Variants in BTC observed in about 807,000 individuals in gnomAD.
The protein encoded by BTC is probetacellulin.
In BTC, 13 loss-of-function variants were observed where a neutral mutation model predicts 18.1. The ratio of observed to expected loss-of-function variants is 0.72; its 90% confidence interval spans 0.47 to 1.14. BTC has a LOEUF of 1.14. BTC is among the 50% of genes most tolerant of loss of function. The pLI is 0.00. For synonymous variants in BTC, 83 were observed against 79.4 expected (o/e 1.05, Z -0.24); for missense variants, 247 against 224.2 (o/e 1.10, Z -0.65).
chr4:74,779,807 T>C (rs1725271215), intron 1 of BTC, among the ~76,000 whole-genome samples: 2 of 152,068 alleles, frequency 1.3e-5, no homozygotes, highest in Admixed American at 6.6e-5. Context: ...TGAGTTAGAG[T>C]AAGCCAACCC....
intron 4 of BTC, among the ~76,000 whole-genome samples, chr4:74,750,004 G>C (rs1724416744): frequency 6.6e-6 from 1 of 151,168 alleles, no homozygotes. Context: ...GCTGAGGTAT[G>C]AGGATCGCTT....
intron 1 of BTC, among the ~76,000 whole-genome samples, chr4:74,784,301 C>T (rs1364793947): frequency 6.6e-6 from 1 of 151,582 alleles, no homozygotes; most frequent in Non-Finnish European, 1.5e-5. Flanking sequence ...CCTGAGCCTG[C>T]TGAAGTTGCT....
At chr4:74,756,070 A>G (rs1553956690) in intron 2 of BTC, 94 bp from the exon 3 acceptor site, 2 of 1,158,542 alleles carry the variant, frequency 1.7e-6, no homozygotes, top group South Asian at 1.2e-5. Flanking sequence ...GTTTCTCTGT[A>G]GAATATGTTT....
At chr4:74,768,772 C>T (rs1439630383) in intron 2 of BTC, among the ~76,000 whole-genome samples, 1 of 152,050 alleles carries the variant, frequency 6.6e-6, no homozygotes, top group Non-Finnish European at 1.5e-5. Context: ...AATTAGAAAA[C>T]ACATTTAGGA....
At chr4:74,788,998 T>C (rs544434116) in intron 1 of BTC, among the ~76,000 whole-genome samples, 2 of 152,300 alleles carry the variant, frequency 1.3e-5, no homozygotes, top group African/African-American at 2.4e-5. Context: ...TGAGTGTGTA[T>C]GTGAGGAAAC....
intron 1 of BTC, among the ~76,000 whole-genome samples, chr4:74,781,078 C>A (rs979698243): frequency 2.6e-5 from 4 of 151,950 alleles, no homozygotes; most frequent in African/African-American, 9.7e-5. Flanking sequence ...CACTCCCTAC[C>A]CAGCTTAGGA....
intron 1 of BTC, among the ~76,000 whole-genome samples, chr4:74,771,098 G>A (rs1030011999): frequency 6.6e-6 from 1 of 151,908 alleles, no homozygotes; most frequent in Non-Finnish European, 1.5e-5. Context: ...GTATATCAAG[G>A]TTCATTATGT....
intron 1 of BTC, among the ~76,000 whole-genome samples, chr4:74,784,232 GAAAA>G (rs58751452): frequency 3.8e-5 from 3 of 79,622 alleles, no homozygotes; most frequent in Non-Finnish European, 2.6e-5. Context: ...ATTCTCTCTC[GAAAA>G]AAAAAAAAAA....
At chr4:74,752,506 G>A (rs530317736) in intron 3 of BTC, among the ~76,000 whole-genome samples, 118 of 151,444 alleles carry the variant, frequency 7.8e-4, no homozygotes, top group African/African-American at 2.7e-3. Flanking sequence ...AGCTTCCGAA[G>A]TAACTGGGAC....
At chr4:74,757,522 C>A (rs1724631993) in intron 2 of BTC, among the ~76,000 whole-genome samples, 1 of 152,198 alleles carries the variant, frequency 6.6e-6, no homozygotes, top group Non-Finnish European at 1.5e-5. Flanking sequence ...AGGCAAAGAC[C>A]TCTGTATTTT....
At chr4:74,772,064 G>C (rs559012083) in intron 1 of BTC, among the ~76,000 whole-genome samples, 35 of 152,274 alleles carry the variant, frequency 2.3e-4, no homozygotes, top group African/African-American at 8.4e-4. Context: ...CTGTTTGTGG[G>C]AGTATGTACT....
chr4:74,749,918 G>A (rs1215716202), intron 4 of BTC, among the ~76,000 whole-genome samples: 1 of 134,728 alleles, frequency 7.4e-6, no homozygotes. Flanking sequence ...AACATAGTGA[G>A]AGCCAGTCTC....
At chr4:74,780,602 T>C (rs1725291593) in intron 1 of BTC, among the ~76,000 whole-genome samples, 1 of 152,200 alleles carries the variant, frequency 6.6e-6, no homozygotes, top group Non-Finnish European at 1.5e-5. Context: ...TCAATGTCAT[T>C]TACCTATTGT....
At chr4:74,757,144 G>T (rs572995734) in intron 2 of BTC, among the ~76,000 whole-genome samples, 1 of 152,176 alleles carries the variant, frequency 6.6e-6, no homozygotes, top group Admixed American at 6.5e-5. Context: ...CGCTAGGTTT[G>T]GTATGGCACC....
intron 1 of BTC, among the ~76,000 whole-genome samples, chr4:74,788,085 A>T (rs768772450): frequency 2.6e-5 from 4 of 152,236 alleles, no homozygotes; most frequent in Non-Finnish European, 5.9e-5. Context: ...AACAAAAAGC[A>T]TGAATTTGTC....
At position 74,770,108 on chromosome 4, in the gene BTC, C is replaced by T; in HGVS notation, c.113G>A (p.Ser38Asn). The T allele has an allele frequency of 6.2e-7, 1 of 1,613,348 alleles. No homozygotes were observed. Among genetic ancestry groups the T allele is most frequent in the African/African-American group, 1.3e-5 (1 of 74,964 alleles). Residue 38 changes from serine (S) to asparagine (N), a missense_variant, in exon 2 of 6, where the codon AGT becomes AAT. Ser to Asn is a conservative substitution (Grantham distance 46, BLOSUM62 1). Transcript: ENST00000395743. ...CVVADGNSTRSPETNGLLCGD... is the reference protein window; with the variant it reads ...CVVADGNSTRNPETNGLLCGD... ...ACAGAGGAGGCCATTAGTTTCAGGACTTCTGGTGGAATTCCCATCTGCCAC... is the reference window on the plus strand; with the variant it reads ...ACAGAGGAGGCCATTAGTTTCAGGATTTCTGGTGGAATTCCCATCTGCCAC...
intron 1 of BTC, among the ~76,000 whole-genome samples, chr4:74,793,360 C>T (rs1278712668): frequency 6.6e-6 from 1 of 152,148 alleles, no homozygotes; most frequent in Non-Finnish European, 1.5e-5. Flanking sequence ...GAGGAATTCC[C>T]ATTCTTTTTC....
At chr4:74,755,728 C>A in intron 3 of BTC, 131 bp downstream of exon 3, 1 of 810,664 alleles carries the variant, frequency 1.2e-6, no homozygotes, top group Non-Finnish European at 2.0e-6. Flanking sequence ...AAACAAGTGG[C>A]TGGGGGCAGG....
intron 2 of BTC, among the ~76,000 whole-genome samples, chr4:74,762,029 C>T (rs1205170938): frequency 6.6e-6 from 1 of 152,158 alleles, no homozygotes; most frequent in Non-Finnish European, 1.5e-5. Context: ...CAGCCTGCTG[C>T]ATAGTAGGTG....
Sources: allele counts gnomAD v4.1 joint callset (sites outside exome capture counted in the v4.1 genomes callset), GRCh38; gene constraint gnomAD v4.1.1; transcripts MANE v1.5; gene names NCBI Gene and HGNC (gene_info 2026-07-23, HGNC 2026-07-21).